Variants in RUFY4 observed in about 807,000 individuals in gnomAD.
The protein encoded by RUFY4 is RUN and FYVE domain containing 4.
A neutral mutation model predicts 69.0 loss-of-function variants in RUFY4; 73 were observed. The ratio of observed to expected loss-of-function variants is 1.06; its 90% CI spans 0.88 to 1.29. The LOEUF (loss-of-function observed/expected upper bound fraction) is 1.29. Ranked by LOEUF, RUFY4 falls within the 50% of genes most tolerant of loss-of-function variation. The probability of loss-of-function intolerance (pLI) is 0.00; values close to 1 mark genes in which losing one functional copy is unlikely to be tolerated. For missense variants in RUFY4, 770 were observed against 705.6 expected (o/e 1.09, Z -1.03); for synonymous variants, 287 against 271.8 (o/e 1.06, Z -0.55).
At chr2:218,089,987 T>C in exon 11 of RUFY4, 2 of 1,569,218 alleles carry the variant, frequency 1.3e-6, no homozygotes, top group Non-Finnish European at 1.7e-6. Flanking sequence ...GCTTGCTCCA[T>C]GGATTACAAG....
chr2:218,038,091 A>G (rs1559418376), intron 2 of RUFY4, among the ~76,000 whole-genome samples: 1 of 152,364 alleles, frequency 6.6e-6, no homozygotes, highest in East Asian at 1.9e-4. Context: ...TGATAGCGTC[A>G]GTCTCTTCCT....
chr2:218,053,750 G>C (rs1399166234), intron 2 of RUFY4, among the ~76,000 whole-genome samples: 1 of 151,682 alleles, frequency 6.6e-6, no homozygotes, highest in Non-Finnish European at 1.5e-5. Flanking sequence ...CGCCCGCCTC[G>C]GCCTCCCAAA....
chr2:218,058,347 GAATAAT>G (rs1689110151), intron 2 of RUFY4, among the ~76,000 whole-genome samples: 1 of 152,154 alleles, frequency 6.6e-6, no homozygotes, highest in South Asian at 2.1e-4. Flanking sequence ...ATAGCCTAAG[GAATAAT>G]AATACACTAA....
chr2:218,073,224 C>G lies in RUFY4; in HGVS notation c.387-19C>G, dbSNP rs1389517346. On this transcript the variant is annotated intron_variant, in intron 4 of 10. Transcript: ENST00000344321. ...GCACCAGGGTCAAAGGCCAAGGGTT[C>G]TGATCACTGTTAACACAGGGAATGG... 6.5e-7 allele frequency: 1 copy of G among 1,548,678 alleles called. No individual in the cohort carries two copies. The highest frequency in any genetic ancestry group is 1.2e-5 in the South Asian group (1 of 84,052).
chr2:218,075,144 A>G, exon 7 of RUFY4: 1 of 1,553,414 alleles, frequency 6.4e-7, no homozygotes, highest in South Asian at 1.2e-5. Flanking sequence ...GGACTCACAC[A>G]CCAGTCAAGC....
intron 4 of RUFY4, 44 bp from the exon 7 acceptor site, chr2:218,073,199 G>C (rs1450114939): frequency 1.3e-6 from 2 of 1,537,982 alleles, no homozygotes; most frequent in Non-Finnish European, 1.7e-6. Flanking sequence ...GGGGGAAACA[G>C]CACCAGGGTC....
chr2:218,076,770 GC>G (rs1055094516), intron 8 of RUFY4, among the ~76,000 whole-genome samples: 7 of 152,118 alleles, frequency 4.6e-5, no homozygotes, highest in African/African-American at 1.7e-4. Context: ...CCCAGGAAAG[GC>G]CCCGCCTCCT....
At chr2:218,085,553 G>A (rs766253980) in intron 9 of RUFY4, among the ~76,000 whole-genome samples, 1 of 152,194 alleles carries the variant, frequency 6.6e-6, no homozygotes, top group Non-Finnish European at 1.5e-5. Context: ...TTGGAAAATG[G>A]TTGGAGAAGT....
At chr2:218,053,256 T>G (rs538675510) in intron 2 of RUFY4, among the ~76,000 whole-genome samples, 12 of 152,296 alleles carry the variant, frequency 7.9e-5, no homozygotes, top group African/African-American at 2.6e-4. Context: ...CCCTGGAAAG[T>G]CTCAAAGGAT....
At chr2:218,050,052 C>G (rs1322520994) in intron 2 of RUFY4, among the ~76,000 whole-genome samples, 1 of 152,138 alleles carries the variant, frequency 6.6e-6, no homozygotes, top group Non-Finnish European at 1.5e-5. Context: ...CCTCATCTCA[C>G]CCACTCTCTC....
chr2:218,082,036 C>T (rs1352488586), intron 8 of RUFY4, among the ~76,000 whole-genome samples: 1 of 152,228 alleles, frequency 6.6e-6, no homozygotes, highest in Non-Finnish European at 1.5e-5. Flanking sequence ...CATTGCAACG[C>T]CCTCCCAGCT....
intron 2 of RUFY4, among the ~76,000 whole-genome samples, chr2:218,043,295 C>T (rs57429707): frequency 0.088 from 13,332 of 152,114 alleles, 1,812 homozygotes; most frequent in African/African-American, 0.29. Flanking sequence ...CCACTCTCAG[C>T]AGTCAGGAGG....
intron 2 of RUFY4, among the ~76,000 whole-genome samples, chr2:218,040,504 G>A (rs906736716): frequency 5.9e-5 from 9 of 152,202 alleles, no homozygotes; most frequent in South Asian, 2.1e-4. Context: ...TTTAGAAAAC[G>A]TGTTCATTTC....
upstream of RUFY4, among the ~76,000 whole-genome samples, chr2:218,064,388 G>A (rs1170718691): frequency 1.3e-5 from 2 of 152,104 alleles, no homozygotes; most frequent in African/African-American, 2.4e-5. Flanking sequence ...GCCCTCCATG[G>A]GCAGCAGAGT....
At chr2:218,043,928 G>A (rs1461157432) in intron 2 of RUFY4, among the ~76,000 whole-genome samples, 1 of 152,234 alleles carries the variant, frequency 6.6e-6, no homozygotes, top group Non-Finnish European at 1.5e-5. Flanking sequence ...AAGTCCAGAA[G>A]GGGGCTGAGG....
At chr2:218,090,129 C>A in exon 11 of RUFY4, 2 of 853,618 alleles carry the variant, frequency 2.3e-6, no homozygotes, top group Non-Finnish European at 3.7e-6. Flanking sequence ...CTGCCCGTAG[C>A]TCTTCCCAGC....
At chr2:218,046,041 G>A (rs1402341025) in intron 2 of RUFY4, among the ~76,000 whole-genome samples, 3 of 152,008 alleles carry the variant, frequency 2.0e-5, no homozygotes, top group East Asian at 3.9e-4. Context: ...TCCTGACCTC[G>A]TGATCCGCCC....
intron 2 of RUFY4, among the ~76,000 whole-genome samples, chr2:218,052,307 TC>T (rs1688961213): frequency 1.3e-5 from 2 of 152,246 alleles, no homozygotes; most frequent in Non-Finnish European, 2.9e-5. Flanking sequence ...ACTCAGCTCT[TC>T]CTGATGTGTC....
chr2:218,072,583 C>T (rs951471145), intron 3 of RUFY4, 84 bp downstream of exon 5: 1 of 1,493,844 alleles, frequency 6.7e-7, no homozygotes, highest in Non-Finnish European at 8.9e-7. Context: ...GCTCTACCGA[C>T]CATAGACCCC....
Sources: allele counts gnomAD v4.1 joint callset (sites outside exome capture counted in the v4.1 genomes callset), GRCh38; gene constraint gnomAD v4.1.1; transcripts MANE v1.5; gene names NCBI Gene and HGNC (gene_info 2026-07-23, HGNC 2026-07-21).